THSD7B: variants seen among roughly 807,000 people sequenced by gnomAD.
THSD7B encodes the protein thrombospondin type-1 domain-containing protein 7B.
Under a neutral mutation model 213.6 loss-of-function variants are expected in THSD7B, and 138 were observed. That is an observed-to-expected ratio of 0.65 (90% CI 0.56 to 0.74). The LOEUF (loss-of-function observed/expected upper bound fraction) is 0.74. Among genes scored for constraint, THSD7B ranks in the 30% least tolerant of loss-of-function variants. THSD7B has a pLI of 0.00. For synonymous variants in THSD7B, 742 were observed against 687.0 expected, an observed-to-expected ratio of 1.08 and a Z score of -1.25; for missense variants, 1,931 against 1,991.5, an observed-to-expected ratio of 0.97 and a Z score of 0.58.
rs1016329562 is a variant in THSD7B, at chr2:137,411,814, A to C, written c.2901A>C (p.Ala967=). The change falls in exon 14 of 28, where the codon GCA becomes GCC. Residue 967 remains alanine, a synonymous_variant. Transcript: ENST00000409968. The stretch of plus-strand genomic sequence containing the variant: ...GTGGAGAAGGCCTGCGCTTTCGAGC[A>C]GTAGCCTGTTCTGATAAAAATGGAA... The part of the protein sequence containing the change: ...KECGEGLRFR[A]VACSDKNGRP... 5.6e-6 allele frequency: 9 copies of C among 1,614,022 alleles called. No homozygotes were observed. Among genetic ancestry groups the C allele is most frequent in the Non-Finnish European group, 7.6e-6 (9 of 1,179,892 alleles).
chr2:137,560,671 C>T (rs190711557), intron 15 of THSD7B, among the ~76,000 whole-genome samples: 1,526 of 152,064 alleles, frequency 0.01, 12 homozygotes, highest in Non-Finnish European at 0.016. Context: ...TGTAACAAAC[C>T]TGCACGTTGT....
At chr2:137,211,747 A>AT (rs34530789) in intron 7 of THSD7B, among the ~76,000 whole-genome samples, 42,875 of 151,846 alleles carry the variant, frequency 0.28, 6,885 homozygotes, top group East Asian at 0.48. Context: ...TTCTACAAGT[A>AT]TTTTTTTGTT....
intron 2 of THSD7B, among the ~76,000 whole-genome samples, chr2:136,946,728 G>A (rs1684945567): frequency 6.6e-6 from 1 of 152,204 alleles, no homozygotes; most frequent in African/African-American, 2.4e-5. Flanking sequence ...TGCCTCGCAG[G>A]TTGATCTCAG....
At chr2:137,115,346 T>C in intron 5 of THSD7B, 53 bp downstream of exon 5, 2 of 1,413,694 alleles carry the variant, frequency 1.4e-6, no homozygotes, top group South Asian at 1.6e-5. Flanking sequence ...AAGGAAAATC[T>C]CTCCAACTCT....
chr2:137,072,440 T>G (rs1687512752), intron 3 of THSD7B, among the ~76,000 whole-genome samples: 1 of 152,178 alleles, frequency 6.6e-6, no homozygotes, highest in South Asian at 2.1e-4. Context: ...TTGTGATTTT[T>G]GTACATTGAT....
At chr2:136,825,990 T>C (rs1355761577) in intron 1 of THSD7B, among the ~76,000 whole-genome samples, 1 of 152,166 alleles carries the variant, frequency 6.6e-6, no homozygotes, top group Non-Finnish European at 1.5e-5. Context: ...AGATAACATA[T>C]TCACAGGCCC....
chr2:136,999,844 C>G (rs936677126), intron 2 of THSD7B, among the ~76,000 whole-genome samples: 2 of 152,132 alleles, frequency 1.3e-5, no homozygotes, highest in African/African-American at 4.8e-5. Context: ...CTTCAAGGCT[C>G]AGTCAAGAGA....
chr2:137,627,922 T>G (rs1682662530), intron 20 of THSD7B, among the ~76,000 whole-genome samples: 1 of 152,250 alleles, frequency 6.6e-6, no homozygotes, highest in African/African-American at 2.4e-5. Context: ...TGGTTTCCAC[T>G]GGGGCATCCA....
intron 2 of THSD7B, among the ~76,000 whole-genome samples, chr2:136,939,884 C>A (rs1350993999): frequency 6.6e-6 from 1 of 152,094 alleles, no homozygotes; most frequent in Non-Finnish European, 1.5e-5. Context: ...CCCCGACACA[C>A]ACCACCACCA....
chr2:137,406,632 C>A, intron 13 of THSD7B, among the ~76,000 whole-genome samples: 1 of 152,170 alleles, frequency 6.6e-6, no homozygotes, highest in South Asian at 2.1e-4. Context: ...TTTCAAGACC[C>A]TTTTGTCTGA....
intron 1 of THSD7B, among the ~76,000 whole-genome samples, chr2:136,790,469 G>A (rs1681947647): frequency 6.6e-6 from 1 of 152,000 alleles, no homozygotes; most frequent in Admixed American, 6.6e-5. Flanking sequence ...TTTATCAATA[G>A]TTTAAGTCAC....
At chr2:137,209,989 T>C (rs931633663) in intron 7 of THSD7B, among the ~76,000 whole-genome samples, 2 of 152,104 alleles carry the variant, frequency 1.3e-5, no homozygotes. Flanking sequence ...GGAAGGCATG[T>C]ATACAGAAGA....
chr2:137,676,383 C>T, intron 27 of THSD7B, 141 bp from the exon 28 acceptor site: 2 of 717,602 alleles, frequency 2.8e-6, no homozygotes, highest in South Asian at 4.1e-5. Flanking sequence ...TCAATATTCA[C>T]AAAAGGGAAC....
At chr2:137,463,630 A>G (rs950549713) in intron 15 of THSD7B, among the ~76,000 whole-genome samples, 4 of 152,082 alleles carry the variant, frequency 2.6e-5, no homozygotes, top group African/African-American at 9.7e-5. Context: ...CCTGGAAGTA[A>G]AAGTCTCCAG....
chr2:136,807,371 A>G (rs1006458810), intron 1 of THSD7B, among the ~76,000 whole-genome samples: 3 of 152,062 alleles, frequency 2.0e-5, no homozygotes, highest in Non-Finnish European at 4.4e-5. Flanking sequence ...ATCCAATAGT[A>G]TGTTATTTAT....
At chr2:136,767,456 A>AGTGTGTGTGTGT (rs6146926) in intron 1 of THSD7B, among the ~76,000 whole-genome samples, 2,458 of 146,648 alleles carry the variant, frequency 0.017, 26 homozygotes, top group South Asian at 0.041. Flanking sequence ...ATCCCTGGGA[A>AGTGTGTGTGTGT]GTGTGTGTGT....
chr2:136,830,805 C>T (rs184037921), intron 1 of THSD7B, among the ~76,000 whole-genome samples: 1 of 152,204 alleles, frequency 6.6e-6, no homozygotes, highest in African/African-American at 2.4e-5. Context: ...TATGCCCTGT[C>T]GAAATTGCTT....
intron 14 of THSD7B, among the ~76,000 whole-genome samples, chr2:137,433,363 C>CT (rs369298212): frequency 0.057 from 8,378 of 146,020 alleles, 250 homozygotes; most frequent in Middle Eastern, 0.081. Flanking sequence ...ATTTTGTTTT[C>CT]TTTTTTTTTT....
chr2:137,651,278 A>G (rs1363950830), intron 21 of THSD7B, among the ~76,000 whole-genome samples: 1 of 151,682 alleles, frequency 6.6e-6, no homozygotes, highest in Non-Finnish European at 1.5e-5. Context: ...GCCATTTTCT[A>G]TTTCTTCATG....
Sources: gnomAD v4.1 joint callset for allele counts (sites outside exome capture counted in the v4.1 genomes callset) on GRCh38, gnomAD v4.1.1 for gene constraint, MANE v1.5 for transcripts, NCBI Gene and HGNC (gene_info 2026-07-23, HGNC 2026-07-21) for gene names.